The following ERN2 variants were observed in gnomAD, a reference collection of about 807,000 sequenced individuals.
ERN2 encodes endoplasmic reticulum to nucleus signaling 2, also known as serine/threonine-protein kinase/endoribonuclease IRE2.
In ERN2, 111 loss-of-function variants were observed where a neutral mutation model predicts 107.9. That is an observed-to-expected ratio of 1.03 (90% CI 0.88 to 1.20). The LOEUF is 1.20. Ranked by LOEUF, ERN2 falls within the 50% of genes most tolerant of loss-of-function variation. The pLI is 0.00. For synonymous variants in ERN2, 524 were observed against 501.7 expected, an observed-to-expected ratio of 1.04 and a Z score of -0.59; for missense variants, 1,225 against 1,197.9, an observed-to-expected ratio of 1.02 and a Z score of -0.33.
At chr16:23,697,600 C>T (rs1033753940) in intron 13 of ERN2, among the ~76,000 whole-genome samples, 1 of 152,144 alleles carries the variant, frequency 6.6e-6, no homozygotes, top group East Asian at 1.9e-4. Context: ...TTCAGAAGCA[C>T]CCTCGAAGAG....
chr16:23,702,286 G>C lies in ERN2; in HGVS notation c.1082-13C>G, dbSNP rs187670402. 6.2e-4 allele frequency: 993 copies of C among 1,613,794 alleles called. 3 individuals carry two copies. The African/African-American group carries it at 7.4e-3, about 12-fold the overall frequency. On this transcript the variant is annotated splice_polypyrimidine_tract_variant and intron_variant, in intron 10 of 21. Transcript: ENST00000256797. ...AGCTCGTGGTGTCCTAAGGTGGGGG[G>C]CAAAAGTCATCAGGCTGAAGGGGAC...
intron 4 of ERN2, among the ~76,000 whole-genome samples, chr16:23,708,430 C>T (rs4968025): frequency 0.44 from 63,631 of 144,876 alleles, 14,244 homozygotes; most frequent in Non-Finnish European, 0.49. Context: ...GGTCTTGGCT[C>T]GCTGCAACCT....
intron 8 of ERN2, among the ~76,000 whole-genome samples, chr16:23,704,300 C>G (rs141639346): frequency 2.0e-5 from 3 of 152,268 alleles, no homozygotes; most frequent in African/African-American, 7.2e-5. Flanking sequence ...GGCTGTGTCC[C>G]CACCAAAATC....
chr16:23,699,656 C>T (rs1959967533), intron 13 of ERN2, among the ~76,000 whole-genome samples: 2 of 152,184 alleles, frequency 1.3e-5, no homozygotes, highest in Non-Finnish European at 2.9e-5. Flanking sequence ...AACTCCTGGC[C>T]TTAAGCAATC....
chr16:23,691,503 T>G (rs967191861), intron 19 of ERN2, 78 bp from the exon 20 acceptor site: 3 of 1,496,352 alleles, frequency 2.0e-6, no homozygotes, highest in African/African-American at 1.4e-5. Flanking sequence ...CTTACAGGAG[T>G]AGTTTAGGGT....
intron 17 of ERN2, among the ~76,000 whole-genome samples, chr16:23,692,955 G>C (rs926593171): frequency 1.4e-5 from 2 of 148,040 alleles, no homozygotes; most frequent in African/African-American, 5.1e-5. Context: ...TTGGCCTCAA[G>C]CGATTCTGAT....
chr16:23,691,920 A>G, intron 19 of ERN2, 43 bp downstream of exon 19: 1 of 1,597,360 alleles, frequency 6.3e-7, no homozygotes, highest in Non-Finnish European at 8.5e-7. Flanking sequence ...CCAGGACCCA[A>G]ACTTAGGACT....
chr16:23,708,211 A>G (rs1597157476), intron 4 of ERN2, among the ~76,000 whole-genome samples: 1 of 152,060 alleles, frequency 6.6e-6, no homozygotes, highest in East Asian at 1.9e-4. Context: ...TCACAAACCA[A>G]AGGATACTGC....
At chr16:23,691,924 T>C in intron 19 of ERN2, 39 bp downstream of exon 19, 2 of 1,599,296 alleles carry the variant, frequency 1.3e-6, no homozygotes, top group African/African-American at 1.4e-5. Context: ...GACCCAAACT[T>C]AGGACTTTTG....
Position 23,701,073 on chromosome 16 carries a change from C to A in ERN2, c.1245G>T (p.Leu415=). The A allele has an allele frequency of 6.2e-7, 1 of 1,614,172 alleles. No homozygotes were observed. Among genetic ancestry groups the A allele is most frequent in the Non-Finnish European group, 8.5e-7 (1 of 1,180,004 alleles). The change falls in exon 12 of 22, where the codon CTG becomes CTT. Residue 415 remains leucine, a synonymous_variant. Transcript: ENST00000256797. ...LSREKLWDSE[L]HPEEKTPDSY... Reference sequence around the variant, plus strand: ...AGTCTGGAGTTTTTTCTTCTGGATGCAGCTCGGAGTCCCAAAGTTTCTCTC... The same window carrying A: ...AGTCTGGAGTTTTTTCTTCTGGATGAAGCTCGGAGTCCCAAAGTTTCTCTC...
chr16:23,713,044 TGCG>T, intron 1 of ERN2, 48 bp downstream of exon 1: 1 of 1,386,790 alleles, frequency 7.2e-7, no homozygotes, highest in Non-Finnish European at 9.5e-7. Flanking sequence ...CGCCGCCCCC[TGCG>T]CCCCGCGACC....
At chr16:23,705,315 A>G (rs572926195) in intron 7 of ERN2, among the ~76,000 whole-genome samples, 168 bp from the exon 8 acceptor site, 44 of 152,290 alleles carry the variant, frequency 2.9e-4, no homozygotes, top group Non-Finnish European at 5.1e-4. Context: ...AAACGAGGCC[A>G]TCAGTCAGGG....
At chr16:23,700,098 G>A (rs1413501937) in intron 13 of ERN2, among the ~76,000 whole-genome samples, 4 of 152,172 alleles carry the variant, frequency 2.6e-5, no homozygotes, top group Non-Finnish European at 4.4e-5. Context: ...GGAGGCTAAG[G>A]TGGGAGGATC....
chr16:23,703,026 G>T (rs1385538986), intron 8 of ERN2, among the ~76,000 whole-genome samples: 3 of 151,646 alleles, frequency 2.0e-5, no homozygotes, highest in African/African-American at 7.3e-5. Context: ...GGTAAGTGAG[G>T]CCATCCTAGA....
chr16:23,707,053 C>T lies in ERN2; in HGVS notation c.333G>A (p.Leu111=), dbSNP rs369299952. The change falls in exon 5 of 22, where the codon CTG becomes CTA. Residue 111 remains leucine, a synonymous_variant. Transcript: ENST00000256797. ...LMKLPFTIPE[L]VHASPCRSSD... ...AGCTGCGGCAGGGAGAGGCATGAAC[C>T]AGCTCAGGGATGGTGAATGGCAGTT... 2 of 1,614,016 alleles carry T rather than the reference C, an allele frequency of 1.2e-6. No individual in the cohort carries two copies. Among genetic ancestry groups the T allele is most frequent in the African/African-American group, 2.7e-5 (2 of 74,930 alleles).
intron 15 of ERN2, 24 bp downstream of exon 15, chr16:23,695,176 T>A (rs1290109656): frequency 6.2e-7 from 1 of 1,613,560 alleles, no homozygotes; most frequent in Admixed American, 1.7e-5. Context: ...CCACTCACCC[T>A]CCCTGAACCG....
At chr16:23,697,012 A>AC (rs1959855129) in intron 13 of ERN2, 2 of 131,622 alleles carry the variant, frequency 1.5e-5, no homozygotes, top group Admixed American at 7.7e-5. Flanking sequence ...CCCCATCTTT[A>AC]CAAAAAAAAC....
chr16:23,708,676 G>C (rs1388455028), intron 4 of ERN2, among the ~76,000 whole-genome samples: 5 of 152,070 alleles, frequency 3.3e-5, no homozygotes, highest in Non-Finnish European at 7.4e-5. Context: ...TCTTGTAATA[G>C]AGTTCTCACG....
In ERN2 at chr16:23,706,376, G is replaced by C; in HGVS notation, c.543C>G (p.Thr181=). The part of the protein sequence containing the change: ...PRAPALRWNT[T]YRRYSAPPMD... ...TGGGGGGCGCTGAGTAGCGGCGGTA[G>C]GTGGTGTTCCAGCGCAGGGCTGGGG... The change falls in exon 7 of 22, where the codon ACC becomes ACG. Residue 181 remains threonine, a synonymous_variant. Coordinates refer to ENST00000256797, the MANE Select transcript of ERN2 (RefSeq NM_033266.4). 2 of 1,570,448 alleles carry C rather than the reference G, an allele frequency of 1.3e-6. No individual in the cohort carries two copies. Among genetic ancestry groups the C allele is most frequent in the Non-Finnish European group, 1.7e-6 (2 of 1,158,872 alleles).
Sources: gnomAD v4.1 joint callset for allele counts (sites outside exome capture counted in the v4.1 genomes callset) on GRCh38, gnomAD v4.1.1 for gene constraint, MANE v1.5 for transcripts, NCBI Gene and HGNC (gene_info 2026-07-23, HGNC 2026-07-21) for gene names.